The following ZNF197 variants were observed in gnomAD, a reference collection of about 807,000 sequenced individuals.
ZNF197 encodes VHL-associated KRAB-A domain-containing protein.
In ZNF197, 14 loss-of-function variants were observed where a neutral mutation model predicts 27.4. The observed-to-expected ratio is 0.51, with a 90% confidence interval of 0.34 to 0.80. The LOEUF (loss-of-function observed/expected upper bound fraction) is 0.80. ZNF197 is among the 30% of genes least tolerant of loss of function. The probability of loss-of-function intolerance (pLI) is 0.02; values close to 1 mark genes in which losing one functional copy is unlikely to be tolerated. For synonymous variants in ZNF197, 415 were observed against 420.0 expected (o/e 0.99, Z 0.15); for missense variants, 1,090 against 1,222.6 (o/e 0.89, Z 1.62).
Position 44,643,912 on chromosome 3 carries a change from A to G in ZNF197, c.2782A>G (p.Lys928Glu), listed in dbSNP as rs1247878088. 6.2e-7 allele frequency: 1 copy of G among 1,614,002 alleles called. No homozygotes were observed. Among genetic ancestry groups the G allele is most frequent in the Non-Finnish European group, 8.5e-7 (1 of 1,179,992 alleles). The change falls in exon 6 of 6, where the codon AAA becomes GAA. Residue 928 changes from lysine to glutamate, a missense_variant. Physicochemically the swap from Lys to Glu is moderately conservative, Grantham distance 56. Transcript: ENST00000344387. ...VVHQRMHTGE[K>E]PYECDKCRKS... ...ACATCAGAGAATGCACACTGGGGAA[A>G]AACCTTATGAGTGTGACAAGTGTAG...
In ZNF197 at chr3:44,645,315, T is replaced by A. The variant is rs1408921515; in HGVS notation, c.*1095T>A. On this transcript the variant is annotated 3_prime_UTR_variant, in exon 6 of 6. Coordinates refer to ENST00000344387, the MANE Select transcript of ZNF197 (RefSeq NM_006991.5). ...GGATCATGTAAGTTTGTGTATTAAG[T>A]CAATATTAGAATGAGGGGGATTCCA... 1 of 985,260 alleles carries A rather than the reference T, an allele frequency of 1.0e-6. No homozygotes were observed. The highest frequency in any genetic ancestry group is 1.7e-5 in the African/African-American group (1 of 57,204). The allele number at this position is 985,260 out of a possible 1,614,324, so 61.0% of individuals were successfully genotyped here.
Position 44,641,971 on chromosome 3 carries a change from A to C in ZNF197, c.841A>C (p.Lys281Gln). 6.2e-7 allele frequency: 1 copy of C among 1,613,348 alleles called. No individual in the cohort carries two copies. Among genetic ancestry groups the C allele is most frequent in the Non-Finnish European group, 8.5e-7 (1 of 1,179,482 alleles). Residue 281 changes from lysine to glutamine, a missense_variant, in exon 6 of 6, where the codon AAA becomes CAA. By Grantham distance (53) the Lys-to-Gln change is moderately conservative. Coordinates refer to ENST00000344387, the MANE Select transcript of ZNF197 (RefSeq NM_006991.5). ...PSSSQRADSH[K>Q]GTSKRLQGSV... Reference sequence around the variant, plus strand: ...TAGTTCTCAAAGAGCAGACTCTCATAAAGGAACATCAAAAAGACTTCAAGG... The same window carrying C: ...TAGTTCTCAAAGAGCAGACTCTCATCAAGGAACATCAAAAAGACTTCAAGG...
At position 44,644,245 on chromosome 3, in the gene ZNF197, T is replaced by C. The variant is rs1243505405; in HGVS notation, c.*25T>C. 5 of 1,550,892 alleles carry C rather than the reference T, an allele frequency of 3.2e-6. No individual in the cohort carries two copies. In the East Asian group the frequency reaches 6.7e-5, roughly 21 times the overall value. On this transcript the variant is annotated 3_prime_UTR_variant, in exon 6 of 6. Coordinates refer to ENST00000344387, the MANE Select transcript of ZNF197 (RefSeq NM_006991.5). ...GTGTCATATGTAAAATGGAATAGAA[T>C]CCCTGCCTACTTAAGTAACTGTTGG...
chr3:44,629,007 C>A (rs1701824779), intron 1 of ZNF197, 67 bp from the exon 2 acceptor site: 2 of 1,213,636 alleles, frequency 1.6e-6, no homozygotes, highest in Admixed American at 2.4e-5. Context: ...TGGGAGCTGA[C>A]TGGGGCCTGG....
intron 1 of ZNF197, among the ~76,000 whole-genome samples, chr3:44,626,100 A>T (rs1029918039): frequency 2.0e-5 from 3 of 152,128 alleles, no homozygotes; most frequent in African/African-American, 7.2e-5. Context: ...ATGTTTAAGA[A>T]TTTGTTATTT....
chr3:44,632,188 C>T lies in ZNF197; in HGVS notation c.634C>T (p.Gln212Ter). ...AATGGCACTTATGCTCCTAACAGCC[C>T]AGCCCCAGGTAAGGTTTGCATCCTC... ...QLMALMLLTA[Q>*]PQELVMFEEV... The change falls in exon 4 of 6, where the codon CAG becomes TAG. Residue 212 changes from glutamine (Q) to a stop codon, truncating the protein, a stop_gained. Transcript: ENST00000344387. LOFTEE classifies it high-confidence loss of function. 6.2e-7 allele frequency: 1 copy of T among 1,614,106 alleles called. No individual in the cohort carries two copies. Among genetic ancestry groups the T allele is most frequent in the Non-Finnish European group, 8.5e-7 (1 of 1,179,990 alleles).
intron 3 of ZNF197, among the ~76,000 whole-genome samples, chr3:44,631,862 A>G (rs1039074104): frequency 2.0e-5 from 3 of 151,766 alleles, no homozygotes; most frequent in Non-Finnish European, 4.4e-5. Context: ...CACCACGCCC[A>G]GCTAATTTTT....
chr3:44,644,799 C>G lies in ZNF197; in HGVS notation c.*579C>G. On this transcript the variant is annotated 3_prime_UTR_variant, in exon 6 of 6. Coordinates refer to ENST00000344387, the MANE Select transcript of ZNF197 (RefSeq NM_006991.5). ...CTTTGGGAGGCCGAGGTGGGAAGAT[C>G]CCTTGAGCCCAGGAGTTCGAGACAA... 1 of 984,012 alleles carries G rather than the reference C, an allele frequency of 1.0e-6. No homozygotes were observed. Among genetic ancestry groups the G allele is most frequent in the Non-Finnish European group, 1.2e-6 (1 of 828,686 alleles). 61.0% of individuals were successfully genotyped at this position (984,012 alleles called of 1,614,324 possible).
Position 44,643,181 on chromosome 3 carries a change from G to A in ZNF197, c.2051G>A (p.Gly684Asp). Reference protein sequence around the residue: ...GENLYECKDCGKVFGSNRNLI... With the variant: ...GENLYECKDCDKVFGSNRNLI... ...AATCTCTATGAATGTAAAGATTGTG[G>A]TAAGGTCTTCGGTTCAAACAGAAAC... is the stretch of plus-strand genomic sequence containing the variant. The change falls in exon 6 of 6, where the codon GGT (glycine) becomes GAT (aspartate). Residue 684 changes from glycine to aspartate, a missense_variant. Gly to Asp is a moderately conservative substitution (Grantham distance 94). Coordinates refer to ENST00000344387, the MANE Select transcript of ZNF197 (RefSeq NM_006991.5). 6.2e-7 allele frequency: 1 copy of A among 1,613,174 alleles called. No individual in the cohort carries two copies.
chr3:44,626,477 AG>A (rs1466403473), intron 1 of ZNF197, among the ~76,000 whole-genome samples: 2 of 152,252 alleles, frequency 1.3e-5, no homozygotes, highest in Admixed American at 1.3e-4. Context: ...TGACAAACTG[AG>A]AAAAATTTGC....
At chr3:44,633,558 T>C (rs1321189455) in intron 5 of ZNF197, among the ~76,000 whole-genome samples, 1 of 152,236 alleles carries the variant, frequency 6.6e-6, no homozygotes, top group Non-Finnish European at 1.5e-5. Context: ...GAATTCTCTT[T>C]GGAGAAATCA....
In ZNF197 at chr3:44,645,077, C is replaced by G. The variant is rs1446165728; in HGVS notation, c.*857C>G. 1.0e-6 allele frequency: 1 copy of G among 982,680 alleles called. No individual in the cohort carries two copies. The highest frequency in any genetic ancestry group is 1.2e-6 in the Non-Finnish European group (1 of 827,616). The allele number at this position is 982,680 out of a possible 1,614,324, so 60.9% of individuals were successfully genotyped here. ...CTGGATTTGGAATCAGAAGACCTACCTTTGATTCCTGGCTTTCCCTTAATG... is the reference window on the plus strand; with the variant it reads ...CTGGATTTGGAATCAGAAGACCTACGTTTGATTCCTGGCTTTCCCTTAATG... On this transcript the variant is annotated 3_prime_UTR_variant, in exon 6 of 6. Transcript: ENST00000344387.
At chr3:44,634,875 G>A (rs2125807075) in intron 5 of ZNF197, among the ~76,000 whole-genome samples, 1 of 151,514 alleles carries the variant, frequency 6.6e-6, no homozygotes, top group Non-Finnish European at 1.5e-5. Flanking sequence ...TTTTTGAGAT[G>A]GCAGCCTCAC....
At chr3:44,636,132 G>A (rs1026124853) in intron 5 of ZNF197, among the ~76,000 whole-genome samples, 16 of 152,118 alleles carry the variant, frequency 1.1e-4, no homozygotes, top group South Asian at 4.2e-4. Context: ...GGGAAACCCC[G>A]TCTCTACTAA....
Position 44,642,448 on chromosome 3 carries a change from T to A in ZNF197, c.1318T>A (p.Tyr440Asn). The stretch of plus-strand genomic sequence containing the variant: ...TGGGAAAGCATTTTCTCAAAGTGCT[T>A]ACCTTCTAAACCATCAGAGGATCCA... Reference protein sequence around the residue: ...ECGKAFSQSAYLLNHQRIHTG... With the variant: ...ECGKAFSQSANLLNHQRIHTG... Residue 440 changes from tyrosine to asparagine, a missense_variant, in exon 6 of 6, where the codon TAC becomes AAC. By Grantham distance (143) the Tyr-to-Asn change is moderately radical. Transcript: ENST00000344387. 6.2e-7 allele frequency: 1 copy of A among 1,613,850 alleles called. No individual in the cohort carries two copies. Among genetic ancestry groups the A allele is most frequent in the South Asian group, 1.1e-5 (1 of 91,064 alleles).
At chr3:44,626,660 G>C (rs1250270434) in intron 1 of ZNF197, among the ~76,000 whole-genome samples, 1 of 152,182 alleles carries the variant, frequency 6.6e-6, no homozygotes, top group Non-Finnish European at 1.5e-5. Flanking sequence ...ATTTGGCGAA[G>C]AGCACAAACT....
chr3:44,643,400 C>T lies in ZNF197; in HGVS notation c.2270C>T (p.Thr757Ile). ...CTGCTTGTACATCGGAGAATCCACA[C>T]CGGAGAAAAACCCTTTGAATGCAGT... ...SSLLVHRRIH[T>I]GEKPFECSEC... is the part of the protein sequence containing the mutation. The change falls in exon 6 of 6, where the codon ACC (threonine) becomes ATC (isoleucine). Residue 757 changes from threonine to isoleucine, a missense_variant. Thr to Ile is a moderately conservative substitution (Grantham distance 89). Coordinates refer to ENST00000344387, the MANE Select transcript of ZNF197 (RefSeq NM_006991.5). The T allele has an allele frequency of 2.5e-6, 4 of 1,614,188 alleles. No individual in the cohort carries two copies. Among genetic ancestry groups the T allele is most frequent in the South Asian group, 1.1e-5 (1 of 91,086 alleles).
chr3:44,642,835 A>G lies in ZNF197; in HGVS notation c.1705A>G (p.Lys569Glu). The G allele has an allele frequency of 6.2e-7, 1 of 1,614,138 alleles. No individual in the cohort carries two copies. The highest frequency in any genetic ancestry group is 8.5e-7 in the Non-Finnish European group (1 of 1,180,028). Residue 569 changes from lysine (K) to glutamate (E), a missense_variant, in exon 6 of 6, where the codon AAA (lysine) becomes GAA (glutamate). Transcript: ENST00000344387. ...LHSAENPYKC[K>E]ECGKVFIRSK... is the part of the protein sequence containing the mutation. The stretch of plus-strand genomic sequence containing the variant: ...CAGTGCAGAGAACCCTTACAAGTGT[A>G]AAGAATGTGGAAAAGTTTTCATTCG...
At chr3:44,636,835 G>T (rs1702323069) in intron 5 of ZNF197, among the ~76,000 whole-genome samples, 1 of 152,062 alleles carries the variant, frequency 6.6e-6, no homozygotes, top group Non-Finnish European at 1.5e-5. Flanking sequence ...AGCGTATAAG[G>T]GTTCCTGTTT....
Sources: allele counts gnomAD v4.1 joint callset (sites outside exome capture counted in the v4.1 genomes callset), GRCh38; gene constraint gnomAD v4.1.1; transcripts MANE v1.5; gene names NCBI Gene and HGNC (gene_info 2026-07-23, HGNC 2026-07-21).